The following TRIM71 variants were observed in gnomAD, a reference collection of about 807,000 sequenced individuals.
The protein encoded by TRIM71 is E3 ubiquitin-protein ligase TRIM71.
A neutral mutation model predicts 61.2 loss-of-function variants in TRIM71; 9 were observed. The ratio of observed to expected loss-of-function variants is 0.15; its 90% CI spans 0.09 to 0.26. The LOEUF (loss-of-function observed/expected upper bound fraction) is 0.26. Ranked by LOEUF, TRIM71 falls within the 10% of genes least tolerant of loss-of-function variation. TRIM71 has a pLI of 1.00. For synonymous variants in TRIM71, 645 were observed against 553.2 expected (o/e 1.17, Z -2.33); for missense variants, 998 against 1,238.7 (o/e 0.81, Z 2.92).
chr3:32,827,142 A>C (rs1247360956), intron 1 of TRIM71, among the ~76,000 whole-genome samples: 1 of 152,168 alleles, frequency 6.6e-6, no homozygotes, highest in African/African-American at 2.4e-5. Context: ...TCACTCAAAA[A>C]CAATTTTCCA....
At chr3:32,851,757 G>GT (rs1184213012) in intron 1 of TRIM71, among the ~76,000 whole-genome samples, 4 of 152,198 alleles carry the variant, frequency 2.6e-5, no homozygotes, top group Non-Finnish European at 5.9e-5. Flanking sequence ...GGGTTTACAG[G>GT]TTTGAGCCAC....
chr3:32,841,216 G>T (rs1005862092), intron 1 of TRIM71, among the ~76,000 whole-genome samples: 4 of 152,164 alleles, frequency 2.6e-5, no homozygotes, highest in Non-Finnish European at 5.9e-5. Flanking sequence ...CTGCACTCCA[G>T]CCTGGGCGAC....
chr3:32,818,367 A>G lies in TRIM71; in HGVS notation c.287A>G (p.Gln96Arg). 6.8e-7 allele frequency: 1 copy of G among 1,477,412 alleles called. No individual in the cohort carries two copies. Among genetic ancestry groups the G allele is most frequent in the Non-Finnish European group, 8.9e-7 (1 of 1,119,264 alleles). 91.5% of individuals were successfully genotyped at this position (1,477,412 alleles called of 1,614,324 possible). A position where few individuals can be genotyped will look rare whatever the true frequency, so the allele number is the denominator to read the frequency against. The stretch of plus-strand genomic sequence containing the variant: ...AAGCTGCGCTGCCCCGTGTGCGACC[A>G]GAAAGTAGTGCTAGCCGAGGCGGCG... The part of the protein sequence containing the change: ...PLKLRCPVCD[Q>R]KVVLAEAAGM... The change falls in exon 1 of 4, where the codon CAG becomes CGG. Residue 96 changes from glutamine (Q) to arginine (R), a missense_variant. Physicochemically the swap from Gln to Arg is conservative, Grantham distance 43. Coordinates refer to ENST00000383763, the MANE Select transcript of TRIM71 (RefSeq NM_001039111.3).
chr3:32,863,979 G>T (rs1696702528), intron 1 of TRIM71, among the ~76,000 whole-genome samples: 1 of 152,228 alleles, frequency 6.6e-6, no homozygotes, highest in African/African-American at 2.4e-5. Context: ...CACCACGCCT[G>T]AACTTCTTGT....
At chr3:32,876,404 T>G (rs1696852808) in intron 2 of TRIM71, among the ~76,000 whole-genome samples, 1 of 152,080 alleles carries the variant, frequency 6.6e-6, no homozygotes, top group African/African-American at 2.4e-5. Context: ...GCCAACATGG[T>G]GAAACCCCGT....
At chr3:32,872,749 G>A (rs751532313) in intron 1 of TRIM71, among the ~76,000 whole-genome samples, 2 of 152,150 alleles carry the variant, frequency 1.3e-5, no homozygotes, top group Non-Finnish European at 2.9e-5. Flanking sequence ...CTGTGTCTTT[G>A]CTAACACTGT....
intron 1 of TRIM71, among the ~76,000 whole-genome samples, chr3:32,831,241 GTAACAAC>G (rs1351667916): frequency 6.6e-6 from 1 of 152,164 alleles, no homozygotes; most frequent in Admixed American, 6.5e-5. Flanking sequence ...GAGCTACAGA[GTAACAAC>G]TGGATTTAAG....
chr3:32,859,548 G>C (rs531193080), intron 1 of TRIM71, among the ~76,000 whole-genome samples: 7 of 152,222 alleles, frequency 4.6e-5, no homozygotes, highest in Non-Finnish European at 1.0e-4. Context: ...GTGAGCCACT[G>C]TGCCTGGCCA....
At chr3:32,842,360 C>T (rs1696416693) in intron 1 of TRIM71, among the ~76,000 whole-genome samples, 1 of 152,130 alleles carries the variant, frequency 6.6e-6, no homozygotes, top group South Asian at 2.1e-4. Context: ...TGTTTGTCTT[C>T]TTTGTAAGCT....
chr3:32,850,259 A>G (rs1409430448), intron 1 of TRIM71, among the ~76,000 whole-genome samples: 1 of 150,008 alleles, frequency 6.7e-6, no homozygotes, highest in South Asian at 2.1e-4. Context: ...CTAATTGGGA[A>G]TACAGATTTT....
chr3:32,819,853 C>T (rs1160648894), intron 1 of TRIM71, among the ~76,000 whole-genome samples: 1 of 152,236 alleles, frequency 6.6e-6, no homozygotes, highest in Non-Finnish European at 1.5e-5. Context: ...ACCAAGGCAG[C>T]CGTACGCTGC....
At chr3:32,864,296 A>G (rs1408569005) in intron 1 of TRIM71, among the ~76,000 whole-genome samples, 1 of 152,202 alleles carries the variant, frequency 6.6e-6, no homozygotes, top group Non-Finnish European at 1.5e-5. Context: ...GTCACTGAGT[A>G]TTGTGTAGTG....
chr3:32,829,178 T>C (rs988570691), intron 1 of TRIM71, among the ~76,000 whole-genome samples: 1 of 147,956 alleles, frequency 6.8e-6, no homozygotes, highest in Non-Finnish European at 1.5e-5. Context: ...TTTTTCTTTT[T>C]TCTTTTCTTT....
intron 1 of TRIM71, among the ~76,000 whole-genome samples, chr3:32,844,183 C>A (rs536336749): frequency 6.6e-6 from 1 of 152,028 alleles, no homozygotes; most frequent in African/African-American, 2.4e-5. Context: ...GGCTCCCTAC[C>A]CCATGGAGAT....
chr3:32,891,557 G>T lies in TRIM71; in HGVS notation c.2353G>T (p.Gly785Cys). 1.2e-6 allele frequency: 2 copies of T among 1,613,732 alleles called. No homozygotes were observed. The highest frequency in any genetic ancestry group is 1.7e-6 in the Non-Finnish European group (2 of 1,179,782). Residue 785 changes from glycine (G) to cysteine (C), a missense_variant, in exon 4 of 4, where the codon GGC becomes TGC. By Grantham distance (159) the Gly-to-Cys change is radical. Transcript: ENST00000383763. This position sits in a 1 kb window ranked among gnomAD's most constrained non-coding sequence, Gnocchi z 8.2. Reference protein sequence around the residue: ...HPDCQSARFLGSEGTGNGQFL... With the variant: ...HPDCQSARFLCSEGTGNGQFL... Reference sequence around the variant, plus strand: ...CGACTGCCAGTCGGCACGCTTTCTGGGCTCGGAGGGCACAGGCAATGGGCA... The same window carrying T: ...CGACTGCCAGTCGGCACGCTTTCTGTGCTCGGAGGGCACAGGCAATGGGCA...
At chr3:32,865,336 C>T (rs777799415) in intron 1 of TRIM71, among the ~76,000 whole-genome samples, 28 of 151,856 alleles carry the variant, frequency 1.8e-4, no homozygotes, top group Non-Finnish European at 3.4e-4. Flanking sequence ...CTCAAAAAAA[C>T]AAAAAACAAG....
intron 1 of TRIM71, among the ~76,000 whole-genome samples, chr3:32,865,949 C>A (rs1224448105): frequency 6.6e-6 from 1 of 150,504 alleles, no homozygotes; most frequent in Non-Finnish European, 1.5e-5. Context: ...GCCTCAGCCT[C>A]CTGAGTAGTT....
chr3:32,850,141 A>T (rs1331266344), intron 1 of TRIM71, among the ~76,000 whole-genome samples: 1 of 152,214 alleles, frequency 6.6e-6, no homozygotes, highest in Non-Finnish European at 1.5e-5. Context: ...AAAGGCAGGT[A>T]GTGGGACAGA....
Position 32,891,999 on chromosome 3 carries a change from T to A in TRIM71, c.*188T>A. ...GCTTAAGTCCTACCTCATCTTTATTTTTTTACAGATGAATGTACTTATCTT... is the reference window on the plus strand; with the variant it reads ...GCTTAAGTCCTACCTCATCTTTATTATTTTACAGATGAATGTACTTATCTT... On this transcript the variant is annotated 3_prime_UTR_variant, in exon 4 of 4. Transcript: ENST00000383763. This position sits in a 1 kb window ranked among gnomAD's most constrained non-coding sequence, Gnocchi z 8.2. 5.2e-6 allele frequency: 4 copies of A among 766,788 alleles called. No individual in the cohort carries two copies. The highest frequency in any genetic ancestry group is 7.8e-6 in the Non-Finnish European group (4 of 511,682). 47.5% of individuals were successfully genotyped at this position (766,788 alleles called of 1,614,324 possible).
Sources: gnomAD v4.1 joint callset for allele counts (sites outside exome capture counted in the v4.1 genomes callset) on GRCh38, gnomAD v4.1.1 for gene constraint, Gnocchi (gnomAD v3.1) non-coding constraint, MANE v1.5 for transcripts, NCBI Gene and HGNC (gene_info 2026-07-23, HGNC 2026-07-21) for gene names.